Variants in GALNTL6 observed in about 807,000 individuals in gnomAD.
GALNTL6 encodes polypeptide N-acetylgalactosaminyltransferase like 6, also known as polypeptide N-acetylgalactosaminyltransferase-like 6.
A neutral mutation model predicts 73.7 loss-of-function variants in GALNTL6; 46 were observed. That is an observed-to-expected ratio of 0.62 (90% CI 0.49 to 0.80). The LOEUF (loss-of-function observed/expected upper bound fraction) is 0.80, where lower values mean the gene tolerates loss of function less well. Ranked by LOEUF, GALNTL6 falls within the 30% of genes least tolerant of loss-of-function variation. The pLI is 0.00. For missense variants in GALNTL6, 604 were observed against 755.0 expected (o/e 0.80, Z 2.34); for synonymous variants, 259 against 263.7 (o/e 0.98, Z 0.17).
chr4:171,959,083 G>C (rs1739139894), intron 2 of GALNTL6, among the ~76,000 whole-genome samples: 1 of 152,118 alleles, frequency 6.6e-6, no homozygotes, highest in Non-Finnish European at 1.5e-5. Flanking sequence ...GTTCAACTTA[G>C]TAAGTAAAAC....
At chr4:172,865,972 A>G (rs1278209938) in intron 7 of GALNTL6, among the ~76,000 whole-genome samples, 1 of 152,198 alleles carries the variant, frequency 6.6e-6, no homozygotes, top group Non-Finnish European at 1.5e-5. Flanking sequence ...AAACCTTCTA[A>G]GTGAAACCAC....
At chr4:172,986,683 G>A (rs1751303212) in intron 10 of GALNTL6, among the ~76,000 whole-genome samples, 1 of 152,234 alleles carries the variant, frequency 6.6e-6, no homozygotes, top group African/African-American at 2.4e-5. Flanking sequence ...GCTCCTATAA[G>A]TGATGAAGGT....
At chr4:172,218,801 T>C (rs1736577333) in intron 2 of GALNTL6, among the ~76,000 whole-genome samples, 1 of 151,990 alleles carries the variant, frequency 6.6e-6, no homozygotes, top group African/African-American at 2.4e-5. Flanking sequence ...GATCTGAATG[T>C]TAATAACAAT....
At chr4:172,840,000 C>A (rs1469790208) in intron 7 of GALNTL6, among the ~76,000 whole-genome samples, 1 of 152,172 alleles carries the variant, frequency 6.6e-6, no homozygotes, top group Non-Finnish European at 1.5e-5. Context: ...GATCTTAACT[C>A]AAGTTCCAGA....
intron 5 of GALNTL6, among the ~76,000 whole-genome samples, chr4:172,657,184 C>A (rs984426902): frequency 6.6e-6 from 1 of 152,166 alleles, no homozygotes; most frequent in Non-Finnish European, 1.5e-5. Context: ...CTTCTTCAAG[C>A]TTCATGATAC....
intron 5 of GALNTL6, among the ~76,000 whole-genome samples, chr4:172,619,663 AC>A (rs1171507825): frequency 6.6e-6 from 1 of 152,094 alleles, no homozygotes; most frequent in Non-Finnish European, 1.5e-5. Flanking sequence ...TTGAGGCATG[AC>A]CTTTTTGAGG....
At chr4:172,480,719 CATTT>C (rs1733421345) in intron 5 of GALNTL6, among the ~76,000 whole-genome samples, 1 of 152,118 alleles carries the variant, frequency 6.6e-6, no homozygotes, top group South Asian at 2.1e-4. Flanking sequence ...CTACTGGTCT[CATTT>C]ATTTGTTTGT....
intron 2 of GALNTL6, among the ~76,000 whole-genome samples, chr4:172,163,738 T>C (rs1215524185): frequency 6.6e-6 from 1 of 152,068 alleles, no homozygotes; most frequent in Non-Finnish European, 1.5e-5. Context: ...GAGCCATCTG[T>C]AGGTATAAAT....
At chr4:172,546,544 T>C (rs1204370845) in intron 5 of GALNTL6, among the ~76,000 whole-genome samples, 1 of 150,360 alleles carries the variant, frequency 6.7e-6, no homozygotes, top group Non-Finnish European at 1.5e-5. Flanking sequence ...GGACTTAGAG[T>C]AGCCATGATT....
At chr4:172,812,716 C>T (rs1198750776) in intron 6 of GALNTL6, among the ~76,000 whole-genome samples, 1 of 152,102 alleles carries the variant, frequency 6.6e-6, no homozygotes, top group Non-Finnish European at 1.5e-5. Flanking sequence ...TTGGTTGTTG[C>T]TCCCAAAAGC....
intron 7 of GALNTL6, among the ~76,000 whole-genome samples, chr4:172,862,720 G>GAAAA (rs34253998): frequency 5.9e-5 from 9 of 151,594 alleles, no homozygotes; most frequent in African/African-American, 1.7e-4. Flanking sequence ...AAAAGAGAAA[G>GAAAA]AAAAAACCCA....
At chr4:171,863,748 G>A (rs981473185) in intron 2 of GALNTL6, among the ~76,000 whole-genome samples, 7 of 151,418 alleles carry the variant, frequency 4.6e-5, no homozygotes, top group Non-Finnish European at 8.8e-5. Context: ...AATACCTGAG[G>A]AGAAAAGGAA....
intron 7 of GALNTL6, among the ~76,000 whole-genome samples, chr4:172,817,032 C>T (rs28482419): frequency 0.028 from 4,108 of 149,334 alleles, 198 homozygotes; most frequent in African/African-American, 0.093. Flanking sequence ...TGCTTGAACC[C>T]GGGAGGCAGA....
chr4:172,911,276 T>G (rs1345212235), intron 8 of GALNTL6, among the ~76,000 whole-genome samples: 1 of 152,230 alleles, frequency 6.6e-6, no homozygotes, highest in African/African-American at 2.4e-5. Context: ...GTACACATGG[T>G]TTTGTTAGAA....
chr4:172,695,183 G>A (rs562474661), intron 5 of GALNTL6, among the ~76,000 whole-genome samples: 6 of 152,090 alleles, frequency 3.9e-5, no homozygotes, highest in Admixed American at 2.6e-4. Flanking sequence ...TAAAAAAGTA[G>A]GAGATCAAAA....
chr4:172,308,457 G>A (rs946905551), intron 3 of GALNTL6, among the ~76,000 whole-genome samples: 1 of 151,916 alleles, frequency 6.6e-6, no homozygotes, highest in Admixed American at 6.6e-5. Context: ...ATATAATGTT[G>A]CTTGTGGGTT....
At chr4:171,878,789 G>T (rs896201172) in intron 2 of GALNTL6, among the ~76,000 whole-genome samples, 3 of 152,088 alleles carry the variant, frequency 2.0e-5, no homozygotes, top group Non-Finnish European at 4.4e-5. Flanking sequence ...GGAGGTGATT[G>T]GATCTTGGGG....
intron 3 of GALNTL6, among the ~76,000 whole-genome samples, chr4:172,254,551 C>T (rs1738006293): frequency 6.6e-6 from 1 of 151,654 alleles, no homozygotes; most frequent in African/African-American, 2.4e-5. Context: ...GAAATCTTTG[C>T]TTTTCATTAT....
intron 10 of GALNTL6, among the ~76,000 whole-genome samples, chr4:172,956,907 T>A (rs1162507693): frequency 2.0e-5 from 3 of 152,144 alleles, no homozygotes; most frequent in African/African-American, 7.2e-5. Flanking sequence ...AGAAACTGCT[T>A]GGGTGATTTG....
Sources: gnomAD v4.1 joint callset for allele counts (sites outside exome capture counted in the v4.1 genomes callset) on GRCh38, gnomAD v4.1.1 for gene constraint, MANE v1.5 for transcripts, NCBI Gene and HGNC (gene_info 2026-07-23, HGNC 2026-07-21) for gene names.